MICAL3: variants seen among roughly 807,000 people sequenced by gnomAD.
The protein encoded by MICAL3 is microtubule associated monooxygenase, calponin and LIM domain containing 3.
Under a neutral mutation model 207.4 loss-of-function variants are expected in MICAL3, and 62 were observed. The observed-to-expected ratio is 0.30, with a 90% CI of 0.24 to 0.37. The LOEUF is 0.37. Ranked by LOEUF, MICAL3 falls within the 10% of genes least tolerant of loss-of-function variation. The pLI is 1.00. For missense variants in MICAL3, 2,368 were observed against 2,635.6 expected (o/e 0.90, Z 2.22); for synonymous variants, 1,077 against 1,069.3 (o/e 1.01, Z -0.14).
Position 17,906,108 on chromosome 22 carries a change from C to T in MICAL3, c.264+441G>A, listed in dbSNP as rs918000348. 2.0e-5 allele frequency among the ~76,000 whole-genome samples: 3 copies of T among 152,172 alleles called. No individual in the cohort carries two copies. In the East Asian group the frequency reaches 5.8e-4, roughly 29 times the overall value. On this transcript the variant is annotated intron_variant, in intron 2 of 31. Coordinates refer to ENST00000441493, the MANE Select transcript of MICAL3 (RefSeq NM_015241.3). ...ATGTCCCTGCTAAGTGACCTGCATCCTCCGAACCACGTGAGGTTCAAAAGA... is the reference window on the plus strand; with the variant it reads ...ATGTCCCTGCTAAGTGACCTGCATCTTCCGAACCACGTGAGGTTCAAAAGA...
rs1930178605 is a variant in MICAL3 at position 17,889,062 on chromosome 22, C to G, written c.1863G>C (p.Glu621Asp). 10 of 1,611,554 alleles carry G rather than the reference C, an allele frequency of 6.2e-6. No homozygotes were observed. Among genetic ancestry groups the G allele is most frequent in the Middle Eastern group, 1.7e-4 (1 of 6,046 alleles). The stretch of plus-strand genomic sequence containing the variant: ...TAGAGGGGAGGGAGTCCTTAAACAT[C>G]TCGTAGAACTGAGTCAGGTACATCA... Reference protein sequence around the residue: ...SMVMYLTQFYEMFKDSLPSSD... With the variant: ...SMVMYLTQFYDMFKDSLPSSD... Residue 621 changes from glutamate to aspartate, a missense_variant, in exon 13 of 32, where the codon GAG becomes GAC. Physicochemically the swap from Glu to Asp is conservative, Grantham distance 45. Transcript: ENST00000441493.
At chr22:17,857,382 A>G (rs1317698958) in intron 19 of MICAL3, among the ~76,000 whole-genome samples, 2 of 152,170 alleles carry the variant, frequency 1.3e-5, no homozygotes, top group Non-Finnish European at 2.9e-5. Flanking sequence ...AGGCCTGATG[A>G]TCTGAGGTGG....
rs779015980 is a variant in MICAL3, at chr22:17,818,906, G to A, written c.3755C>T (p.Thr1252Met). ...PQPQPPVAAS[T>M]PPPSPLPICS... ...GATGGGGAGTGGGCTGGGTGGGGGCGTGGAGGCCGCCACGGGTGGCTGGGG... is the reference window on the plus strand; with the variant it reads ...GATGGGGAGTGGGCTGGGTGGGGGCATGGAGGCCGCCACGGGTGGCTGGGG... The change falls in exon 26 of 32, where the codon ACG becomes ATG. Residue 1252 changes from threonine (T) to methionine (M), a missense_variant. By Grantham distance (81) the Thr-to-Met change is moderately conservative. This residue lies in a region of MICAL3 where 1,770 missense variants were observed against 1,863.2 expected (regional missense o/e 0.95). Transcript: ENST00000441493. 40 of 1,564,356 alleles carry A rather than the reference G, an allele frequency of 2.6e-5. No homozygotes were observed. Among genetic ancestry groups the A allele is most frequent in the Admixed American group, 9.2e-5 (5 of 54,534 alleles).
At position 17,896,977 on chromosome 22, in the gene MICAL3, T is replaced by C. The variant is rs1169045953; in HGVS notation, c.953A>G (p.Tyr318Cys). The C allele has an allele frequency of 4.3e-6, 7 of 1,610,684 alleles. No individual in the cohort carries two copies. The East Asian group carries it at 8.9e-5, about 21-fold the overall frequency. Residue 318 changes from tyrosine to cysteine, a missense_variant, in exon 8 of 32, where the codon TAC becomes TGC. Physicochemically the swap from Tyr to Cys is radical, Grantham distance 194. Coordinates refer to ENST00000441493, the MANE Select transcript of MICAL3 (RefSeq NM_015241.3). The stretch of plus-strand genomic sequence containing the variant: ...GGAAAGCAGGAGCTCTGTGTCGGCG[T>C]AGTCCTGTCTCCAGAGAAAGAGGAG... ...LLDKGVILHDYADTELLLSRE... is the reference protein window; with the variant it reads ...LLDKGVILHDCADTELLLSRE...
rs1927251265 is a variant in MICAL3, at chr22:17,867,292, G to A, written c.2429-1280C>T. On this transcript the variant is annotated intron_variant, in intron 17 of 31. Transcript: ENST00000441493. ...GGCCAGGATGCAGAGACTCTACAGT[G>A]GCAACACCTGACAGCCAAAAGTCCG... is the stretch of plus-strand genomic sequence containing the variant. Among the ~76,000 whole-genome samples the A allele has an allele frequency of 3.9e-5, 6 of 152,288 alleles. No homozygotes were observed. In the South Asian group the frequency reaches 1.2e-3, roughly 32 times the overall value.
chr22:17,841,316 G>C lies in MICAL3; in HGVS notation c.2801+506C>G, dbSNP rs972871362. 9 of 190,766 alleles carry C rather than the reference G, an allele frequency of 4.7e-5. No homozygotes were observed. The highest frequency in any genetic ancestry group is 8.8e-5 in the Non-Finnish European group (8 of 90,682). 11.8% of individuals were successfully genotyped at this position (190,766 alleles called of 1,614,324 possible). The stretch of plus-strand genomic sequence containing the variant: ...CCAAAGGTGTCACCCAGCTGGATGT[G>C]ATTACAGCTCTGGAACTGCCTAAGC... On this transcript the variant is annotated intron_variant, in intron 20 of 31. Coordinates refer to ENST00000441493, the MANE Select transcript of MICAL3 (RefSeq NM_015241.3). This position sits in a 1 kb window ranked among gnomAD's most constrained non-coding sequence, Gnocchi z 4.2.
At chr22:17,871,773 G>C in intron 17 of MICAL3, 64 bp downstream of exon 17, 1 of 1,475,240 alleles carries the variant, frequency 6.8e-7, no homozygotes, top group Non-Finnish European at 9.1e-7. Context: ...AAGGCGCCCA[G>C]CTCAGATGGA....
intron 1 of MICAL3, among the ~76,000 whole-genome samples, chr22:18,002,882 C>T (rs934289145): frequency 3.3e-5 from 5 of 152,212 alleles, no homozygotes; most frequent in African/African-American, 7.2e-5. Flanking sequence ...TTAGGCTGGG[C>T]GCGGTGGCTC....
intron 1 of MICAL3, among the ~76,000 whole-genome samples, chr22:17,921,495 T>C (rs569878308): frequency 1.3e-5 from 2 of 152,288 alleles, no homozygotes; most frequent in African/African-American, 4.8e-5. Context: ...CTTAATCTTT[T>C]CTTTTGTGTG....
At chr22:17,935,415 T>C (rs1229869038) in intron 1 of MICAL3, among the ~76,000 whole-genome samples, 4 of 152,180 alleles carry the variant, frequency 2.6e-5, no homozygotes, top group Non-Finnish European at 4.4e-5. Flanking sequence ...TTACACCTTA[T>C]ACAAAAATTA....
Position 17,935,523 on chromosome 22 carries a change from G to C in MICAL3, c.-74-28637C>G, listed in dbSNP as rs182252192. Among the ~76,000 whole-genome samples, 3 of 152,262 alleles carry C rather than the reference G, an allele frequency of 2.0e-5. No individual in the cohort carries two copies. In the East Asian group the frequency reaches 5.8e-4, roughly 29 times the overall value. ...TCATTCAGGACACAGGCATGGGCAAGGACTTAATGAGTAAAACACCAAAAG... is the reference window on the plus strand; with the variant it reads ...TCATTCAGGACACAGGCATGGGCAACGACTTAATGAGTAAAACACCAAAAG... On this transcript the variant is annotated intron_variant, in intron 1 of 31. Coordinates refer to ENST00000441493, the MANE Select transcript of MICAL3 (RefSeq NM_015241.3).
intron 1 of MICAL3, among the ~76,000 whole-genome samples, chr22:17,958,878 G>C (rs1934759408): frequency 6.6e-6 from 1 of 151,154 alleles, no homozygotes; most frequent in Non-Finnish European, 1.5e-5. Context: ...TAATTTTTTT[G>C]TATTTTTAGT....
chr22:18,004,587 C>T (rs1324796007), intron 1 of MICAL3: 1 of 152,336 alleles, frequency 6.6e-6, no homozygotes, highest in Non-Finnish European at 1.5e-5. Context: ...TGACATATTT[C>T]CCTATCTCCC....
At chr22:17,877,513 G>GGGAGGTTATGGAGGTGAGGGAGGTTAT (rs1569110721) in intron 16 of MICAL3, among the ~76,000 whole-genome samples, 5 of 80,882 alleles carry the variant, frequency 6.2e-5, no homozygotes, top group African/African-American at 1.1e-4. Context: ...ATGGAGGTTA[G>GGGAGGTTATGGAGGTGAGGGAGGTTAT]GGAGGTTAGG....
chr22:17,832,127 T>G lies in MICAL3; in HGVS notation c.2802-20A>C, dbSNP rs1391675002. The G allele has an allele frequency of 1.2e-5, 18 of 1,556,096 alleles. No homozygotes were observed. The East Asian group carries it at 4.3e-4, about 37-fold the overall frequency. Reference sequence around the variant, plus strand: ...GAACTACTGTGAGGAAATAACCACATAGCCAGAGTGAGGGAATGAAGAAAA... The same window carrying G: ...GAACTACTGTGAGGAAATAACCACAGAGCCAGAGTGAGGGAATGAAGAAAA... On this transcript the variant is annotated intron_variant, in intron 20 of 31. Transcript: ENST00000441493.
At chr22:17,860,474 G>C in intron 19 of MICAL3, 1 of 985,520 alleles carries the variant, frequency 1.0e-6, no homozygotes, top group Non-Finnish European at 1.2e-6. Context: ...GGCACCCCAA[G>C]CTGAATGGCT....
chr22:17,922,857 T>C (rs911853421), intron 1 of MICAL3, among the ~76,000 whole-genome samples: 1 of 152,210 alleles, frequency 6.6e-6, no homozygotes, highest in Admixed American at 6.5e-5. Context: ...ACTATTTTCA[T>C]GGAGAAAATC....
chr22:17,922,258 TTGCACGTAGTACAGA>T (rs1441098596), intron 1 of MICAL3, among the ~76,000 whole-genome samples: 1 of 152,180 alleles, frequency 6.6e-6, no homozygotes, highest in Non-Finnish European at 1.5e-5. Flanking sequence ...ACGTTCATGT[TTGCACGTAGTACAGA>T]TGCGGGCAGA....
At chr22:17,827,816 G>T in intron 21 of MICAL3, 35 bp from the exon 22 acceptor site, 1 of 1,524,342 alleles carries the variant, frequency 6.6e-7, no homozygotes, top group Non-Finnish European at 8.9e-7. Flanking sequence ...GAGAAATGAG[G>T]TGGGGAAGGA....
Sources: allele counts gnomAD v4.1 joint callset (sites outside exome capture counted in the v4.1 genomes callset), GRCh38; gene constraint gnomAD v4.1.1; regional missense constraint gnomAD v4.1.1; non-coding constraint Gnocchi (gnomAD v3.1); transcripts MANE v1.5; gene names NCBI Gene and HGNC (gene_info 2026-07-23, HGNC 2026-07-21).